Variants in DMRT1 observed in about 807,000 individuals in gnomAD.
The protein encoded by DMRT1 is doublesex- and mab-3-related transcription factor 1.
DMRT1 carries 7 observed loss-of-function variants against 32.3 expected under a neutral mutation model. The ratio of observed to expected loss-of-function variants is 0.22; its 90% CI spans 0.12 to 0.41. DMRT1 has a LOEUF of 0.41. DMRT1 is among the 10% of genes least tolerant of loss of function. DMRT1 has a pLI of 1.00. For synonymous variants in DMRT1, 278 were observed against 206.1 expected (o/e 1.35, Z -2.99); for missense variants, 625 against 500.5 (o/e 1.25, Z -2.37).
chr9:948,413 T>C (rs1819318396), intron 4 of DMRT1, among the ~76,000 whole-genome samples: 1 of 152,170 alleles, frequency 6.6e-6, no homozygotes, highest in Admixed American at 6.5e-5. Flanking sequence ...TTGAAAACTC[T>C]TTGACATCTG....
intron 2 of DMRT1, among the ~76,000 whole-genome samples, chr9:851,632 G>A (rs1177765122): frequency 6.6e-6 from 1 of 152,124 alleles, no homozygotes; most frequent in Non-Finnish European, 1.5e-5. Flanking sequence ...AAGAATTATT[G>A]CCAAGAATAT....
At chr9:870,651 A>C (rs997441508) in intron 2 of DMRT1, among the ~76,000 whole-genome samples, 4 of 148,018 alleles carry the variant, frequency 2.7e-5, no homozygotes, top group Non-Finnish European at 5.9e-5. Flanking sequence ...TGGTGAGTCT[A>C]AAGGCTTTGC....
At chr9:890,085 GTTTT>G (rs35228255) in intron 2 of DMRT1, among the ~76,000 whole-genome samples, 6 of 102,998 alleles carry the variant, frequency 5.8e-5, no homozygotes, top group South Asian at 3.4e-4. Context: ...CACCAAACGT[GTTTT>G]TTTTTTTTTT....
At chr9:874,988 T>C (rs1816435245) in intron 2 of DMRT1, among the ~76,000 whole-genome samples, 1 of 151,616 alleles carries the variant, frequency 6.6e-6, no homozygotes, top group African/African-American at 2.4e-5. Context: ...TTTGTATTTT[T>C]TTTAGTAGAG....
Position 894,065 on chromosome 9 carries a change from A to C in DMRT1, c.692A>C (p.Tyr231Ser). ...YYNNLYNCPQ[Y>S]SMALAADSAS... ...AACAATCTATACAACTGCCCGCAGT[A>C]CTCCATGGCCTTGGCTGCTGATTCT... Residue 231 changes from tyrosine to serine, a missense_variant, in exon 3 of 5, where the codon TAC becomes TCC. By Grantham distance (144) the Tyr-to-Ser change is moderately radical. This residue lies in a region of DMRT1 where 416 missense variants were observed against 321.6 expected (regional missense o/e 1.29). Transcript: ENST00000382276. 1 of 1,614,194 alleles carries C rather than the reference A, an allele frequency of 6.2e-7. No individual in the cohort carries two copies. Among genetic ancestry groups the C allele is most frequent in the East Asian group, 2.2e-5 (1 of 44,878 alleles).
rs1006754084 is a variant in DMRT1, at chr9:955,980, C to G, written c.968-12005C>G. 3.3e-5 allele frequency among the ~76,000 whole-genome samples: 5 copies of G among 152,186 alleles called. No individual in the cohort carries two copies. The South Asian group carries it at 6.2e-4, about 19-fold the overall frequency. ...AGGGTGTCAAAGAGATATTTGTATA[C>G]CCATGTTCATATCAGCGTTATTCAA... is the stretch of plus-strand genomic sequence containing the variant. On this transcript the variant is annotated intron_variant, in intron 4 of 4. Transcript: ENST00000382276.
intron 3 of DMRT1, among the ~76,000 whole-genome samples, chr9:915,887 C>T (rs1433980875): frequency 6.6e-6 from 1 of 151,994 alleles, no homozygotes; most frequent in Non-Finnish European, 1.5e-5. Flanking sequence ...TGCCCGCCAC[C>T]ACGTCTGGCT....
At chr9:960,218 T>A (rs531317445) in intron 4 of DMRT1, among the ~76,000 whole-genome samples, 8 of 152,324 alleles carry the variant, frequency 5.3e-5, no homozygotes, top group Admixed American at 2.6e-4. Flanking sequence ...AGGTTTTAGC[T>A]TGGAATTCAT....
intron 1 of DMRT1, 37 bp downstream of exon 1, chr9:842,229 A>ATTTTTTTTTTTTTTTTTTTTT: frequency 1.2e-6 from 1 of 856,428 alleles, no homozygotes; most frequent in African/African-American, 3.2e-5. Context: ...GTTCAGCCTT[A>ATTTTTTTTTTTTTTTTTTTTT]GTTTTTTTTT....
chr9:947,572 A>G (rs545521077), intron 4 of DMRT1, among the ~76,000 whole-genome samples: 1 of 152,362 alleles, frequency 6.6e-6, no homozygotes, highest in East Asian at 1.9e-4. Flanking sequence ...ACAAAATGAT[A>G]GAATTTAAAT....
intron 1 of DMRT1, among the ~76,000 whole-genome samples, chr9:843,326 C>T (rs993939805): frequency 2.0e-5 from 3 of 152,170 alleles, no homozygotes; most frequent in Non-Finnish European, 4.4e-5. Flanking sequence ...GCGCCTGGGG[C>T]GCTTTTTGTC....
chr9:850,264 A>G (rs1346201787), intron 2 of DMRT1, among the ~76,000 whole-genome samples: 2 of 152,204 alleles, frequency 1.3e-5, no homozygotes, highest in East Asian at 3.9e-4. Context: ...GGAAATTCAG[A>G]TGCCAGCAGA....
intron 1 of DMRT1, among the ~76,000 whole-genome samples, chr9:845,360 A>G (rs1041826695): frequency 2.0e-5 from 3 of 151,382 alleles, no homozygotes; most frequent in African/African-American, 7.3e-5. Flanking sequence ...GGCGCACACC[A>G]CCATGCCTGG....
rs80344768 is a variant in DMRT1 at position 864,564 on chromosome 9, T to A, written c.538+17421T>A. 5.9e-4 allele frequency among the ~76,000 whole-genome samples: 86 copies of A among 146,734 alleles called. 1 individual carries two copies. The East Asian group carries it at 8.1e-3, about 14-fold the overall frequency. Reference sequence around the variant, plus strand: ...CCCAGGCTGGAGTGCAGTGGTGCGATCTCGGCTCACTGCAAGCTCTGTGTC... The same window carrying A: ...CCCAGGCTGGAGTGCAGTGGTGCGAACTCGGCTCACTGCAAGCTCTGTGTC... On this transcript the variant is annotated intron_variant, in intron 2 of 4. Transcript: ENST00000382276.
rs33910017 is a variant in DMRT1 at position 888,302 on chromosome 9, CTT to C, written c.539-5596_539-5595del. On this transcript the variant is annotated intron_variant, in intron 2 of 4. Coordinates refer to ENST00000382276, the MANE Select transcript of DMRT1 (RefSeq NM_021951.3). Reference sequence around the variant, plus strand: ...CCTAGCTTTTCAATACAATGGAATTCTTTTTTTTTTTTTTTCCTTTTGAGACA... The same window carrying C: ...CCTAGCTTTTCAATACAATGGAATTCTTTTTTTTTTTTTCCTTTTGAGACA... Among the ~76,000 whole-genome samples, 564 of 143,834 alleles carry C rather than the reference CTT, an allele frequency of 3.9e-3. 2 individuals carry two copies. The highest frequency in any genetic ancestry group is 8.6e-3 in the African/African-American group (333 of 38,846). The allele number at this position is 143,834 out of a possible 152,430, so 94.4% of individuals were successfully genotyped here.
chr9:849,337 G>A (rs1472105684), intron 2 of DMRT1, among the ~76,000 whole-genome samples: 2 of 152,174 alleles, frequency 1.3e-5, no homozygotes, highest in African/African-American at 2.4e-5. Flanking sequence ...CTGATGGACA[G>A]TTAGCAACAA....
chr9:928,380 C>G (rs1818596851), intron 4 of DMRT1, among the ~76,000 whole-genome samples: 1 of 152,162 alleles, frequency 6.6e-6, no homozygotes, highest in African/African-American at 2.4e-5. Context: ...CAGGGTCTCT[C>G]CCCCATGTAT....
intron 3 of DMRT1, among the ~76,000 whole-genome samples, chr9:902,096 G>C (rs902062691): frequency 6.8e-6 from 1 of 148,128 alleles, no homozygotes; most frequent in East Asian, 2.0e-4. Context: ...TTTTAGTCGA[G>C]ATGGGGTTTT....
chr9:924,427 C>T (rs904556811), intron 4 of DMRT1, among the ~76,000 whole-genome samples: 1 of 152,144 alleles, frequency 6.6e-6, no homozygotes, highest in Non-Finnish European at 1.5e-5. Context: ...AATAATAACA[C>T]ATGTATCTAT....
Sources: gnomAD v4.1 joint callset for allele counts (sites outside exome capture counted in the v4.1 genomes callset) on GRCh38, gnomAD v4.1.1 for gene constraint, gnomAD v4.1.1 regional missense constraint, MANE v1.5 for transcripts, NCBI Gene and HGNC (gene_info 2026-07-23, HGNC 2026-07-21) for gene names.